DRAM1: variants seen among roughly 807,000 people sequenced by gnomAD.
DRAM1 encodes DNA damage regulated autophagy modulator 1.
DRAM1 carries 25 observed loss-of-function variants against 28.5 expected under a neutral mutation model. The observed-to-expected ratio is 0.88, with a 90% CI of 0.64 to 1.23. The LOEUF (loss-of-function observed/expected upper bound fraction) is 1.23, where lower values mean the gene tolerates loss of function less well. Among genes scored for constraint, DRAM1 ranks in the 50% most tolerant of loss-of-function variants. DRAM1 has a pLI of 0.00. For synonymous variants in DRAM1, 113 were observed against 114.2 expected (o/e 0.99, Z 0.07); for missense variants, 249 against 299.2 (o/e 0.83, Z 1.24).
chr12:101,884,987 G>A (rs1161057452), intron 1 of DRAM1, among the ~76,000 whole-genome samples: 1 of 148,042 alleles, frequency 6.8e-6, no homozygotes, highest in East Asian at 2.0e-4. Flanking sequence ...AGGCTGGAGT[G>A]CAATGGCGCA....
chr12:101,897,225 A>G (rs1326337185), intron 1 of DRAM1, among the ~76,000 whole-genome samples: 1 of 151,068 alleles, frequency 6.6e-6, no homozygotes, highest in Non-Finnish European at 1.5e-5. Flanking sequence ...TTTGAGACCG[A>G]GTCTTGCTCT....
At chr12:101,898,589 A>G (rs908781767) in intron 2 of DRAM1, among the ~76,000 whole-genome samples, 14 of 152,188 alleles carry the variant, frequency 9.2e-5, no homozygotes, top group African/African-American at 2.9e-4. Flanking sequence ...AAGTTTCTCA[A>G]AGTGTATTCT....
At chr12:101,883,712 C>T (rs113448180) in intron 1 of DRAM1, among the ~76,000 whole-genome samples, 11 of 151,612 alleles carry the variant, frequency 7.3e-5, no homozygotes, top group East Asian at 3.9e-4. Context: ...CCAAAGCAGG[C>T]GGATCACGAG....
At chr12:101,889,057 C>T (rs1400697406) in intron 1 of DRAM1, among the ~76,000 whole-genome samples, 1 of 152,074 alleles carries the variant, frequency 6.6e-6, no homozygotes, top group Non-Finnish European at 1.5e-5. Flanking sequence ...CCCACCTCAG[C>T]CTCACATAAT....
At chr12:101,889,082 T>C (rs1383632782) in intron 1 of DRAM1, among the ~76,000 whole-genome samples, 3 of 151,800 alleles carry the variant, frequency 2.0e-5, no homozygotes, top group African/African-American at 7.3e-5. Flanking sequence ...GGATTACAAG[T>C]GTGAGCCACT....
chr12:101,878,376 T>C (rs1251136076), intron 1 of DRAM1, among the ~76,000 whole-genome samples: 1 of 152,186 alleles, frequency 6.6e-6, no homozygotes, highest in Non-Finnish European at 1.5e-5. Flanking sequence ...AGCGGTGGTG[T>C]AAAGTTGATG....
intron 1 of DRAM1, among the ~76,000 whole-genome samples, chr12:101,892,045 T>G (rs950304332): frequency 1.3e-5 from 2 of 152,188 alleles, no homozygotes; most frequent in African/African-American, 4.8e-5. Context: ...TGGTTACCTC[T>G]TAGTGTTTAC....
chr12:101,880,549 A>G (rs1341625705), intron 1 of DRAM1, among the ~76,000 whole-genome samples: 7 of 152,062 alleles, frequency 4.6e-5, no homozygotes, highest in Admixed American at 1.3e-4. Flanking sequence ...TCAGCCTCCT[A>G]AAGTGTTGGG....
At chr12:101,890,142 G>T (rs572478763) in intron 1 of DRAM1, 2 of 438,864 alleles carry the variant, frequency 4.6e-6, no homozygotes, top group Non-Finnish European at 9.0e-6. Flanking sequence ...GCAGTGGCAC[G>T]ATCTTGGCTC....
chr12:101,902,543 G>A (rs1397365576), intron 3 of DRAM1, among the ~76,000 whole-genome samples: 1 of 152,166 alleles, frequency 6.6e-6, no homozygotes, highest in Non-Finnish European at 1.5e-5. Flanking sequence ...GTACAGTGTG[G>A]TTATGGTTTA....
intron 2 of DRAM1, among the ~76,000 whole-genome samples, chr12:101,898,868 A>G (rs1178725824): frequency 6.6e-6 from 1 of 152,338 alleles, no homozygotes; most frequent in East Asian, 1.9e-4. Context: ...GATAGGGTGC[A>G]ACCTTGTCAT....
In DRAM1 at chr12:101,914,227, G is replaced by A. The variant is rs1874148119; in HGVS notation, c.574G>A (p.Glu192Lys). The A allele has an allele frequency of 6.2e-7, 1 of 1,607,178 alleles. No homozygotes were observed. Among genetic ancestry groups the A allele is most frequent in the Non-Finnish European group, 8.5e-7 (1 of 1,177,672 alleles). Reference protein sequence around the residue: ...SITKLEWNPREKDYVYHVVSA... With the variant: ...SITKLEWNPRKKDYVYHVVSA... The stretch of plus-strand genomic sequence containing the variant: ...AACCAAGCTGGAGTGGAATCCAAGA[G>A]AAAAGGTAACATTTAAGTTGTTGTG... The change falls in exon 5 of 7, where the codon GAA (glutamate) becomes AAA (lysine). Residue 192 changes from glutamate to lysine, a missense_variant. Physicochemically the swap from Glu to Lys is moderately conservative, Grantham distance 56. Around this residue, in one of 3 missense-constraint regions of DRAM1, gnomAD observed 218 missense variants for 243.1 expected, o/e 0.90. Transcript: ENST00000258534.
At chr12:101,907,199 C>CAAAAAAAAAAA (rs397965756) in intron 3 of DRAM1, among the ~76,000 whole-genome samples, 2 of 85,154 alleles carry the variant, frequency 2.3e-5, no homozygotes, top group African/African-American at 4.6e-5. Context: ...GACCCTGTCT[C>CAAAAAAAAAAA]AAAAAAAAAA....
chr12:101,908,455 T>G (rs769341971), intron 4 of DRAM1, 92 bp downstream of exon 4: 122 of 1,306,196 alleles, frequency 9.3e-5, no homozygotes, highest in Non-Finnish European at 1.2e-4. Context: ...TAGGGACCGC[T>G]GCAATGAGTT....
intron 5 of DRAM1, among the ~76,000 whole-genome samples, chr12:101,914,909 C>T (rs749781898): frequency 5.3e-5 from 8 of 151,832 alleles, no homozygotes; most frequent in African/African-American, 1.7e-4. Flanking sequence ...CCCCCCGTCT[C>T]GGCCTCCCAA....
At chr12:101,883,132 G>A (rs1872747772) in intron 1 of DRAM1, among the ~76,000 whole-genome samples, 1 of 150,896 alleles carries the variant, frequency 6.6e-6, no homozygotes, top group Admixed American at 6.6e-5. Context: ...GCTCTCGTTA[G>A]TTAAGAAAAA....
chr12:101,903,531 T>C (rs1187218216), intron 3 of DRAM1, among the ~76,000 whole-genome samples: 1 of 152,058 alleles, frequency 6.6e-6, no homozygotes, highest in Non-Finnish European at 1.5e-5. Context: ...AAGAGGAAGA[T>C]GAGGAGCGGG....
intron 5 of DRAM1, 84 bp from the exon 6 acceptor site, chr12:101,920,025 G>T: frequency 2.1e-6 from 2 of 967,058 alleles, no homozygotes; most frequent in Non-Finnish European, 3.0e-6. Flanking sequence ...TTTTTCCTTT[G>T]GTTGAAACTC....
At chr12:101,905,691 G>T (rs1272564236) in intron 3 of DRAM1, among the ~76,000 whole-genome samples, 2 of 152,108 alleles carry the variant, frequency 1.3e-5, no homozygotes, top group African/African-American at 2.4e-5. Context: ...CCAAGCTCAA[G>T]TGATTCTCCC....
Sources: gnomAD v4.1 joint callset for allele counts (sites outside exome capture counted in the v4.1 genomes callset) on GRCh38, gnomAD v4.1.1 for gene constraint, gnomAD v4.1.1 regional missense constraint, MANE v1.5 for transcripts, NCBI Gene and HGNC (gene_info 2026-07-23, HGNC 2026-07-21) for gene names.